MDM2: variants seen among roughly 807,000 people sequenced by gnomAD.
The protein encoded by MDM2 is MDM2 proto-oncogene, also known as E3 ubiquitin-protein ligase Mdm2.
A neutral mutation model predicts 64.3 loss-of-function variants in MDM2; 11 were observed. The ratio of observed to expected loss-of-function variants is 0.17; its 90% CI spans 0.11 to 0.28. The LOEUF (loss-of-function observed/expected upper bound fraction) is 0.28. MDM2 is among the 10% of genes least tolerant of loss of function. The probability of loss-of-function intolerance (pLI) is 1.00; values close to 1 mark genes in which losing one functional copy is unlikely to be tolerated. For missense variants in MDM2, 388 were observed against 577.1 expected (o/e 0.67, Z 3.36); for synonymous variants, 194 against 192.9 (o/e 1.01, Z -0.05).
chr12:68,844,538 G>A lies in MDM2; in HGVS notation c.*4689G>A, dbSNP rs1372965898. On this transcript the variant is annotated 3_prime_UTR_variant, in exon 11 of 11. Transcript: ENST00000258149. ...GTTTGGGCTAGCCACCGTACCACTT[G>A]TCAGCGTGAAAAGTAAGATTGTAAT... The A allele has an allele frequency of 8.8e-6, 2 of 228,226 alleles. No homozygotes were observed. Among genetic ancestry groups the A allele is most frequent in the Non-Finnish European group, 1.7e-5 (2 of 114,984 alleles). 14.1% of individuals were successfully genotyped at this position (228,226 alleles called of 1,614,324 possible).
At chr12:68,834,044 G>A (rs1883113310) in intron 8 of MDM2, among the ~76,000 whole-genome samples, 1 of 152,104 alleles carries the variant, frequency 6.6e-6, no homozygotes, top group African/African-American at 2.4e-5. Context: ...GATGTCAGAG[G>A]CTGTAAAATA....
rs1592606612 is a variant in MDM2, at chr12:68,842,576, T to C, written c.*2727T>C. On this transcript the variant is annotated 3_prime_UTR_variant, in exon 11 of 11. Transcript: ENST00000258149. ...TTGATCGCATCTCATTGTTAACTCT[T>C]TACTGATATGTTTGTAAATACAGAA... The C allele has an allele frequency of 3.1e-6, 1 of 326,984 alleles. No homozygotes were observed. The highest frequency in any genetic ancestry group is 3.2e-5 in the South Asian group (1 of 31,320). 20.3% of individuals were successfully genotyped at this position (326,984 alleles called of 1,614,324 possible). A position where few individuals can be genotyped will look rare whatever the true frequency, so the allele number is the denominator to read the frequency against.
At chr12:68,819,234 GAAAC>G (rs1170902970) in intron 4 of MDM2, among the ~76,000 whole-genome samples, 12 of 152,124 alleles carry the variant, frequency 7.9e-5, no homozygotes, top group African/African-American at 2.9e-4. Context: ...TATTGAGTGA[GAAAC>G]AATATTTTGT....
At chr12:68,826,503 G>A (rs552478533) in intron 7 of MDM2, among the ~76,000 whole-genome samples, 1 of 151,932 alleles carries the variant, frequency 6.6e-6, no homozygotes, top group East Asian at 1.9e-4. Context: ...ACAAAAATTA[G>A]CCAGGTGTGG....
chr12:68,840,619 G>A lies in MDM2; in HGVS notation c.*770G>A, dbSNP rs1295056086. 1 of 178,796 alleles carries A rather than the reference G, an allele frequency of 5.6e-6. No individual in the cohort carries two copies. Among genetic ancestry groups the A allele is most frequent in the Non-Finnish European group, 1.2e-5 (1 of 83,800 alleles). 11.1% of individuals were successfully genotyped at this position (178,796 alleles called of 1,614,324 possible). A position where few individuals can be genotyped will look rare whatever the true frequency, so the allele number is the denominator to read the frequency against. ...TTCCCGGGTTCAAGCCATTCTCCTG[G>A]CTCAGCCTCTGGAGCAGCTGGGATT... is the stretch of plus-strand genomic sequence containing the variant. On this transcript the variant is annotated 3_prime_UTR_variant, in exon 11 of 11. Transcript: ENST00000258149.
chr12:68,812,155 C>T (rs1880957800), intron 2 of MDM2, among the ~76,000 whole-genome samples: 1 of 151,178 alleles, frequency 6.6e-6, no homozygotes, highest in Admixed American at 6.6e-5. Context: ...TTGAGAGAGT[C>T]CATTCTTTAG....
At chr12:68,812,762 T>C (rs1881019309) in intron 2 of MDM2, among the ~76,000 whole-genome samples, 1 of 152,228 alleles carries the variant, frequency 6.6e-6, no homozygotes, top group South Asian at 2.1e-4. Flanking sequence ...TGCCTTTCTT[T>C]CTGTAAGGAA....
chr12:68,813,308 G>C (rs1019838554), intron 2 of MDM2, among the ~76,000 whole-genome samples: 1 of 152,188 alleles, frequency 6.6e-6, no homozygotes, highest in African/African-American at 2.4e-5. Flanking sequence ...ATTTATGGTT[G>C]TTTGTAAGGC....
At chr12:68,833,458 G>T (rs1400443918) in intron 8 of MDM2, among the ~76,000 whole-genome samples, 1 of 145,042 alleles carries the variant, frequency 6.9e-6, no homozygotes, top group African/African-American at 2.5e-5. Flanking sequence ...TATATAGAGA[G>T]AGATAATTTA....
chr12:68,829,731 A>G (rs945421126), intron 8 of MDM2, among the ~76,000 whole-genome samples: 2 of 148,572 alleles, frequency 1.3e-5, no homozygotes, highest in Non-Finnish European at 3.0e-5. Flanking sequence ...GTGCCACTGC[A>G]CTCTAGCCTG....
intron 10 of MDM2, among the ~76,000 whole-genome samples, chr12:68,838,411 C>A (rs1883479214): frequency 6.6e-6 from 1 of 152,048 alleles, no homozygotes; most frequent in Non-Finnish European, 1.5e-5. Context: ...TGAGCAGTTA[C>A]AAAGATGAGA....
rs551520155 is a variant in MDM2, at chr12:68,809,078, C to T, written c.15-130C>T. The T allele has an allele frequency of 2.0e-6, 3 of 1,507,562 alleles. No individual in the cohort carries two copies. In the African/African-American group the frequency reaches 4.2e-5, roughly 21 times the overall value. The allele number at this position is 1,507,562 out of a possible 1,614,324, so 93.4% of individuals were successfully genotyped here. On this transcript the variant is annotated intron_variant, in intron 1 of 10. Transcript: ENST00000258149. ...ACGGACGCACGCCACTTTTTCTCTG[C>T]TGATCCAGGTAAGCACCGACTTGCT...
intron 10 of MDM2, among the ~76,000 whole-genome samples, chr12:68,837,816 A>T (rs1449183436): frequency 6.6e-6 from 1 of 150,936 alleles, no homozygotes. Flanking sequence ...TTTGTTCTTA[A>T]TATTGCCTTT....
In MDM2 at chr12:68,845,287, T is replaced by TTA. The variant is rs1477863842; in HGVS notation, c.*5442_*5443dup. On this transcript the variant is annotated 3_prime_UTR_variant, in exon 11 of 11. Coordinates refer to ENST00000258149, the MANE Select transcript of MDM2 (RefSeq NM_002392.6). ...TGTCTACCATGTAGCCAGCTTTCAA[T>TTA]TATATGTAAGAGGGACTTTTTGACA... The TTA allele has an allele frequency of 9.3e-6, 2 of 214,012 alleles. No individual in the cohort carries two copies. The highest frequency in any genetic ancestry group is 4.5e-5 in the African/African-American group (2 of 44,152). The allele number at this position is 214,012 out of a possible 1,614,324, so 13.3% of individuals were successfully genotyped here.
intron 8 of MDM2, among the ~76,000 whole-genome samples, chr12:68,833,144 A>AT (rs1882947842): frequency 9.1e-6 from 1 of 109,682 alleles, no homozygotes; most frequent in Non-Finnish European, 1.7e-5. Context: ...AAAAAAAAAA[A>AT]AAAAAATATA....
Position 68,841,193 on chromosome 12 carries a change from T to C in MDM2, c.*1344T>C, listed in dbSNP as rs1883739632. 5.6e-6 allele frequency: 1 copy of C among 178,830 alleles called. No individual in the cohort carries two copies. The highest frequency in any genetic ancestry group is 1.2e-5 in the Non-Finnish European group (1 of 86,702). The allele number at this position is 178,830 out of a possible 1,614,324, so 11.1% of individuals were successfully genotyped here. On this transcript the variant is annotated 3_prime_UTR_variant, in exon 11 of 11. Coordinates refer to ENST00000258149, the MANE Select transcript of MDM2 (RefSeq NM_002392.6). Reference sequence around the variant, plus strand: ...TGATCCTTAGTTTCTCTCTCCAAAATACTCTTTCTAGGTTAAAAAAAAAAA... The same window carrying C: ...TGATCCTTAGTTTCTCTCTCCAAAACACTCTTTCTAGGTTAAAAAAAAAAA...
chr12:68,810,616 C>T (rs1419256186), intron 2 of MDM2, among the ~76,000 whole-genome samples: 1 of 151,892 alleles, frequency 6.6e-6, no homozygotes, highest in Non-Finnish European at 1.5e-5. Context: ...CGCCCACCAC[C>T]ACGCCCGGCT....
Position 68,808,352 on chromosome 12 carries a change from G to A in MDM2, c.-126G>A, listed in dbSNP as rs1057430772. On this transcript the variant is annotated 5_prime_UTR_variant, in exon 1 of 11. Coordinates refer to ENST00000258149, the MANE Select transcript of MDM2 (RefSeq NM_002392.6). ...TCCCTCCCCGGATTAGTGCGTACGA[G>A]CGCCCAGTGCCCTGGCCCGGAGAGT... 8 of 1,276,306 alleles carry A rather than the reference G, an allele frequency of 6.3e-6. No individual in the cohort carries two copies. Among genetic ancestry groups the A allele is most frequent in the Non-Finnish European group, 9.0e-6 (8 of 887,162 alleles). The allele number at this position is 1,276,306 out of a possible 1,614,324, so 79.1% of individuals were successfully genotyped here.
Position 68,844,862 on chromosome 12 carries a change from C to T in MDM2, c.*5013C>T. 4.9e-6 allele frequency: 1 copy of T among 202,208 alleles called. No homozygotes were observed. The highest frequency in any genetic ancestry group is 7.6e-5 in the East Asian group (1 of 13,086). The allele number at this position is 202,208 out of a possible 1,614,324, so 12.5% of individuals were successfully genotyped here. On this transcript the variant is annotated 3_prime_UTR_variant, in exon 11 of 11. Coordinates refer to ENST00000258149, the MANE Select transcript of MDM2 (RefSeq NM_002392.6). Reference sequence around the variant, plus strand: ...GCTCACTGCAACCTCTGCCTCCTGGCTGTGTTCAAGTGGTTCTGCTTCAGC... The same window carrying T: ...GCTCACTGCAACCTCTGCCTCCTGGTTGTGTTCAAGTGGTTCTGCTTCAGC...
Sources: allele counts gnomAD v4.1 joint callset (sites outside exome capture counted in the v4.1 genomes callset), GRCh38; gene constraint gnomAD v4.1.1; transcripts MANE v1.5; gene names NCBI Gene and HGNC (gene_info 2026-07-23, HGNC 2026-07-21).